The following ABCB1 variants were observed in gnomAD, a reference collection of about 807,000 sequenced individuals.
The protein encoded by ABCB1 is ATP binding cassette subfamily B member 1.
A neutral mutation model predicts 142.0 loss-of-function variants in ABCB1; 69 were observed. The observed-to-expected ratio is 0.49, with a 90% CI of 0.40 to 0.59. The LOEUF (loss-of-function observed/expected upper bound fraction) is 0.59, where lower values mean the gene tolerates loss of function less well. ABCB1 is among the 20% of genes least tolerant of loss of function. The pLI is 0.00. For missense variants in ABCB1, 1,326 were observed against 1,554.7 expected, an observed-to-expected ratio of 0.85 and a Z score of 2.47; for synonymous variants, 532 against 539.2, an observed-to-expected ratio of 0.99 and a Z score of 0.18.
rs543862428 is a variant in ABCB1, at chr7:87,655,344, A to AT, written c.-330-54267dup. ...TAATTGTCCATCTACTGATGAGTCG[A>AT]TAAAAAAAAAGTTGCGTATATAAAC... is the stretch of plus-strand genomic sequence containing the variant. On this transcript the variant is annotated intron_variant, in intron 1 of 28. Coordinates refer to the ABCB1 transcript ENST00000265724. Among the ~76,000 whole-genome samples the AT allele has an allele frequency of 2.6e-4, 39 of 152,238 alleles. No homozygotes were observed. In the East Asian group the frequency reaches 7.0e-3, roughly 27 times the overall value.
chr7:87,571,866 C>T (rs1007691390), intron 4 of ABCB1, among the ~76,000 whole-genome samples: 8 of 152,156 alleles, frequency 5.3e-5, no homozygotes, highest in Admixed American at 2.6e-4. Context: ...CCCATAAGGA[C>T]AGGCCAGCAG....
intron 1 of ABCB1, among the ~76,000 whole-genome samples, chr7:87,613,078 T>C (rs1022229408): frequency 1.3e-5 from 2 of 151,070 alleles, no homozygotes; most frequent in Non-Finnish European, 3.0e-5. Context: ...AGCTTGGTCA[T>C]TGGTGCATAG....
intron 1 of ABCB1, among the ~76,000 whole-genome samples, chr7:87,631,963 T>C (rs1173183051): frequency 6.6e-6 from 1 of 152,220 alleles, no homozygotes; most frequent in Non-Finnish European, 1.5e-5. Flanking sequence ...TTTCCAAATA[T>C]GAGCAGGGTA....
intron 1 of ABCB1, 46 bp from the exon 2 acceptor site, chr7:87,600,236 C>G: frequency 6.5e-7 from 1 of 1,548,338 alleles, no homozygotes. Flanking sequence ...GAGCCTCAGG[C>G]GCGCTGGAGG....
At chr7:87,534,968 A>T (rs1816224549) in intron 20 of ABCB1, among the ~76,000 whole-genome samples, 1 of 149,406 alleles carries the variant, frequency 6.7e-6, no homozygotes, top group Non-Finnish European at 1.5e-5. Flanking sequence ...CTGTGCAGGT[A>T]AAAGAATTTG....
intron 2 of ABCB1, among the ~76,000 whole-genome samples, chr7:87,596,522 A>T (rs565548293): frequency 1.3e-5 from 2 of 152,166 alleles, no homozygotes; most frequent in East Asian, 3.9e-4. Flanking sequence ...AATGAATCTA[A>T]CTCTGTAGCC....
At chr7:87,667,034 C>T (rs754338323) in intron 1 of ABCB1, among the ~76,000 whole-genome samples, 27 of 151,980 alleles carry the variant, frequency 1.8e-4, no homozygotes, top group Non-Finnish European at 3.4e-4. Flanking sequence ...AAGAATGTCA[C>T]TGGTAGTTTG....
At chr7:87,708,793 C>T (rs575941427) in intron 1 of ABCB1, among the ~76,000 whole-genome samples, 82 of 152,144 alleles carry the variant, frequency 5.4e-4, no homozygotes, top group African/African-American at 1.9e-3. Flanking sequence ...TTCATTTGTG[C>T]ATAAAGTAGG....
At chr7:87,709,588 G>T (rs1583952715) in intron 1 of ABCB1, 1 of 870,492 alleles carries the variant, frequency 1.1e-6, no homozygotes, top group East Asian at 1.2e-4. Context: ...TAGCCTGACA[G>T]GTTTTAACTA....
intron 19 of ABCB1, among the ~76,000 whole-genome samples, chr7:87,537,711 T>C (rs1816359184): frequency 6.6e-6 from 1 of 152,026 alleles, no homozygotes; most frequent in Non-Finnish European, 1.5e-5. Context: ...GTGATTTGAG[T>C]CAAAAACAAA....
chr7:87,690,746 T>G (rs1228212905), intron 1 of ABCB1, among the ~76,000 whole-genome samples: 1 of 152,170 alleles, frequency 6.6e-6, no homozygotes, highest in African/African-American at 2.4e-5. Context: ...TATATGATAC[T>G]GCCAATTTAT....
chr7:87,702,161 A>C lies in ABCB1; in HGVS notation c.-331+11000T>G, dbSNP rs995114523. On this transcript the variant is annotated intron_variant, in intron 1 of 28. Transcript: ENST00000265724. ...CTGTCTCAAAAAAAAAAAAAAAAAAAAAAAAAAAAAACAGAGATACTTTTC... is the reference window on the plus strand; with the variant it reads ...CTGTCTCAAAAAAAAAAAAAAAAAACAAAAAAAAAAACAGAGATACTTTTC... Among the ~76,000 whole-genome samples, 9 of 150,082 alleles carry C rather than the reference A, an allele frequency of 6.0e-5. No homozygotes were observed. The East Asian group carries it at 7.8e-4, about 13-fold the overall frequency.
chr7:87,560,113 C>T (rs775364935), intron 8 of ABCB1, among the ~76,000 whole-genome samples: 2 of 152,058 alleles, frequency 1.3e-5, no homozygotes, highest in Non-Finnish European at 2.9e-5. Context: ...ACCTTACCAC[C>T]CCCATTAGAA....
chr7:87,564,027 G>T (rs777789508), intron 7 of ABCB1: 2 of 309,470 alleles, frequency 6.5e-6, no homozygotes, highest in Non-Finnish European at 1.3e-5. Context: ...GTGGAGAGTG[G>T]GAGGAGGGAG....
chr7:87,541,570 A>T (rs1374707387), intron 17 of ABCB1, 106 bp from the exon 18 acceptor site: 2 of 808,464 alleles, frequency 2.5e-6, no homozygotes, highest in Non-Finnish European at 4.3e-6. Context: ...GGAGAGCCTT[A>T]GTACGCTGGA....
intron 14 of ABCB1, 107 bp downstream of exon 14, chr7:87,549,241 T>G: frequency 3.8e-6 from 5 of 1,333,032 alleles, no homozygotes; most frequent in Non-Finnish European, 5.3e-6. Flanking sequence ...AGGAATCACC[T>G]AGAAGCTATC....
chr7:87,525,289 G>T (rs1249954323), intron 21 of ABCB1, among the ~76,000 whole-genome samples: 1 of 152,046 alleles, frequency 6.6e-6, no homozygotes. Context: ...TTTCTAGAAA[G>T]AAAAAATAGC....
At chr7:87,559,554 T>C (rs1024087125) in intron 8 of ABCB1, among the ~76,000 whole-genome samples, 1 of 152,146 alleles carries the variant, frequency 6.6e-6, no homozygotes, top group Non-Finnish European at 1.5e-5. Flanking sequence ...TAATTTTTGC[T>C]CTTACCCTTA....
chr7:87,567,899 C>A (rs140836868), intron 5 of ABCB1, among the ~76,000 whole-genome samples: 1 of 151,864 alleles, frequency 6.6e-6, no homozygotes, highest in Non-Finnish European at 1.5e-5. Context: ...TGGAGACCAC[C>A]CTGGCCAATA....
Sources: allele counts gnomAD v4.1 joint callset (sites outside exome capture counted in the v4.1 genomes callset), GRCh38; gene constraint gnomAD v4.1.1; transcripts MANE v1.5; gene names NCBI Gene and HGNC (gene_info 2026-07-23, HGNC 2026-07-21).